Variants in TYRP1 observed in about 807,000 individuals in gnomAD.
The protein encoded by TYRP1 is 5,6-dihydroxyindole-2-carboxylic acid oxidase.
A neutral mutation model predicts 42.8 loss-of-function variants in TYRP1; 49 were observed. The observed-to-expected ratio is 1.14, with a 90% CI of 0.91 to 1.45. The LOEUF (loss-of-function observed/expected upper bound fraction) is 1.45, where lower values mean the gene tolerates loss of function less well. TYRP1 is among the 40% of genes most tolerant of loss of function. The pLI is 0.00. For missense variants in TYRP1, 848 were observed against 662.0 expected (o/e 1.28, Z -3.08); for synonymous variants, 279 against 235.4 (o/e 1.19, Z -1.69).
intron 6 of TYRP1, among the ~76,000 whole-genome samples, chr9:12,707,506 A>G (rs139086851): frequency 6.6e-6 from 1 of 151,674 alleles, no homozygotes; most frequent in Non-Finnish European, 1.5e-5. Flanking sequence ...GTGTAGATAT[A>G]TGGAAGAAGA....
At chr9:12,702,093 T>C (rs2118247427) in intron 4 of TYRP1, among the ~76,000 whole-genome samples, 178 bp from the exon 5 acceptor site, 1 of 152,164 alleles carries the variant, frequency 6.6e-6, no homozygotes, top group Non-Finnish European at 1.5e-5. Flanking sequence ...TTCAAAGAAA[T>C]GGGACATGGT....
intron 6 of TYRP1, among the ~76,000 whole-genome samples, chr9:12,706,828 T>G (rs1818266610): frequency 6.6e-6 from 1 of 151,980 alleles, no homozygotes; most frequent in South Asian, 2.1e-4. Context: ...AAAATAAGTC[T>G]AGGAGTGGAG....
At chr9:12,701,628 C>G (rs971105646) in intron 4 of TYRP1, 2 of 152,002 alleles carry the variant, frequency 1.3e-5, no homozygotes, top group Non-Finnish European at 2.9e-5. Context: ...GGCAGGATCT[C>G]TCTCTCTCTT....
Position 12,709,061 on chromosome 9 carries a change from C to A in TYRP1, c.1493C>A (p.Ser498Tyr), listed in dbSNP as rs777796337. The A allele has an allele frequency of 1.9e-6, 3 of 1,612,810 alleles. No individual in the cohort carries two copies. Among genetic ancestry groups the A allele is most frequent in the Non-Finnish European group, 2.5e-6 (3 of 1,179,260 alleles). The change falls in exon 8 of 8, where the codon TCT (serine) becomes TAT (tyrosine). Residue 498 changes from serine to tyrosine, a missense_variant. Ser to Tyr is a moderately radical substitution (Grantham distance 144, BLOSUM62 -2). Coordinates refer to ENST00000388918, the MANE Select transcript of TYRP1 (RefSeq NM_000550.3). ...LLVALIFGTA[S>Y]YLIRARRSMD... ...GTTGCACTCATTTTTGGGACTGCTT[C>A]TTATCTGATTCGTGCCAGACGCAGT...
chr9:12,701,919 T>TG, intron 4 of TYRP1: 1 of 233,172 alleles, frequency 4.3e-6, no homozygotes, highest in Non-Finnish European at 8.5e-6. Context: ...TAGAACTAGA[T>TG]TTATGAGATT....
rs753687263 is a variant in TYRP1, at chr9:12,708,416, A to C, written c.1408+273A>C. Among the ~76,000 whole-genome samples the C allele has an allele frequency of 2.0e-5, 3 of 152,070 alleles. No individual in the cohort carries two copies. In the South Asian group the frequency reaches 6.2e-4, roughly 31 times the overall value. On this transcript the variant is annotated intron_variant, in intron 7 of 7. Coordinates refer to ENST00000388918, the MANE Select transcript of TYRP1 (RefSeq NM_000550.3). ...AAAATCTTCATTTCACAAATAAGGA[A>C]GCTGAGGCTTAAATAGGTTAACTGT...
chr9:12,700,881 C>T lies in TYRP1; in HGVS notation c.914-1390C>T, dbSNP rs62540175. 4.1e-3 allele frequency among the ~76,000 whole-genome samples: 622 copies of T among 152,000 alleles called. 1 individual carries two copies. Among genetic ancestry groups the T allele is most frequent in the Non-Finnish European group, 6.2e-3 (419 of 67,942 alleles). ...TACACTCAATAAATAGTTTCCAATC[C>T]CACCTGAGGCATATGTTTTAGTTAC... On this transcript the variant is annotated intron_variant, in intron 4 of 7. Coordinates refer to ENST00000388918, the MANE Select transcript of TYRP1 (RefSeq NM_000550.3).
chr9:12,700,761 T>C (rs1174179833), intron 4 of TYRP1: 1 of 152,090 alleles, frequency 6.6e-6, no homozygotes, highest in African/African-American at 2.4e-5. Context: ...ATTTGTTTCT[T>C]GGGATTTATT....
At chr9:12,698,928 G>A (rs928566986) in intron 4 of TYRP1, among the ~76,000 whole-genome samples, 2 of 152,052 alleles carry the variant, frequency 1.3e-5, no homozygotes, top group African/African-American at 4.8e-5. Context: ...TTTTGGAAAT[G>A]TCTAGTTGTA....
chr9:12,703,563 G>A (rs1376053147), intron 5 of TYRP1, among the ~76,000 whole-genome samples: 5 of 151,700 alleles, frequency 3.3e-5, no homozygotes, highest in African/African-American at 4.8e-5. Context: ...AAAAAGACGA[G>A]TGTCAAGCCA....
At chr9:12,708,787 T>TAAC (rs1586848085) in intron 7 of TYRP1, among the ~76,000 whole-genome samples, 190 bp from the exon 8 acceptor site, 3 of 152,050 alleles carry the variant, frequency 2.0e-5, no homozygotes. Context: ...GAAATGGAAA[T>TAAC]AACAATGACT....
At chr9:12,696,367 G>T (rs781290088) in intron 3 of TYRP1, among the ~76,000 whole-genome samples, 1 of 151,792 alleles carries the variant, frequency 6.6e-6, no homozygotes, top group Admixed American at 6.6e-5. Context: ...ATTTTTCCAC[G>T]TTCCCTACCC....
intron 5 of TYRP1, among the ~76,000 whole-genome samples, chr9:12,703,826 A>G (rs1413777802): frequency 2.0e-5 from 3 of 151,142 alleles, no homozygotes; most frequent in Admixed American, 6.6e-5. Flanking sequence ...ATTTTTATTT[A>G]TGACCTGTCT....
Position 12,709,297 on chromosome 9 carries a change from T to C in TYRP1, c.*115T>C. On this transcript the variant is annotated 3_prime_UTR_variant, in exon 8 of 8. Transcript: ENST00000388918. ...TATTACCTTCTTTCTAATACAAGCA[T>C]ATGTTAGCATTAAAGTTCTAGGCAT... is the stretch of plus-strand genomic sequence containing the variant. The C allele has an allele frequency of 9.1e-7, 1 of 1,099,838 alleles. No individual in the cohort carries two copies. Among genetic ancestry groups the C allele is most frequent in the Admixed American group, 1.8e-5 (1 of 55,106 alleles). The allele number at this position is 1,099,838 out of a possible 1,614,324, so 68.1% of individuals were successfully genotyped here.
intron 6 of TYRP1, among the ~76,000 whole-genome samples, chr9:12,707,076 T>TAACA (rs1818270363): frequency 6.6e-6 from 1 of 152,018 alleles, no homozygotes; most frequent in Admixed American, 6.6e-5. Context: ...TTCTATTTAC[T>TAACA]AACATTTCTG....
intron 2 of TYRP1, among the ~76,000 whole-genome samples, chr9:12,694,703 G>T (rs1428548146): frequency 6.6e-6 from 1 of 152,082 alleles, no homozygotes; most frequent in African/African-American, 2.4e-5. Flanking sequence ...CATAGATGAG[G>T]TTCAGAAAGT....
At chr9:12,704,234 C>T (rs1818222112) in intron 5 of TYRP1, among the ~76,000 whole-genome samples, 1 of 151,896 alleles carries the variant, frequency 6.6e-6, no homozygotes, top group Admixed American at 6.6e-5. Flanking sequence ...CAATGTCTGC[C>T]TTGTCAAATA....
rs1222809775 is a variant in TYRP1, at chr9:12,694,446, A to G, written c.385+65A>G. On this transcript the variant is annotated intron_variant, in intron 2 of 7. Transcript: ENST00000388918. ...GACTCAAGGCTCTTAATAAAATCTT[A>G]AATCATTTGAGCTGGAGGAATACCT... 3.2e-6 allele frequency: 5 copies of G among 1,576,636 alleles called. No homozygotes were observed. In the Admixed American group the frequency reaches 8.7e-5, roughly 28 times the overall value.
intron 4 of TYRP1, 29 bp downstream of exon 4, chr9:12,698,684 G>C (rs1165007774): frequency 1.2e-6 from 2 of 1,601,144 alleles, no homozygotes; most frequent in Non-Finnish European, 1.7e-6. Context: ...CTTGGAGTCA[G>C]AATTTCTTTT....
Sources: gnomAD v4.1 joint callset for allele counts (sites outside exome capture counted in the v4.1 genomes callset) on GRCh38, gnomAD v4.1.1 for gene constraint, MANE v1.5 for transcripts, NCBI Gene and HGNC (gene_info 2026-07-23, HGNC 2026-07-21) for gene names.